Variants in OPCML observed in about 807,000 individuals in gnomAD.
OPCML encodes the protein opioid binding protein/cell adhesion molecule like.
OPCML carries 13 observed loss-of-function variants against 37.8 expected under a neutral mutation model. That is an observed-to-expected ratio of 0.34 (90% confidence interval 0.22 to 0.55). OPCML has a LOEUF of 0.55. Ranked by LOEUF, OPCML falls within the 20% of genes least tolerant of loss-of-function variation. The probability of loss-of-function intolerance (pLI) is 0.91; values close to 1 mark genes in which losing one functional copy is unlikely to be tolerated. For missense variants in OPCML, 341 were observed against 435.6 expected, an observed-to-expected ratio of 0.78 and a Z score of 1.93; for synonymous variants, 176 against 168.8, an observed-to-expected ratio of 1.04 and a Z score of -0.33.
chr11:132,949,209 T>C (rs1198281862), intron 1 of OPCML, among the ~76,000 whole-genome samples: 1 of 151,794 alleles, frequency 6.6e-6, no homozygotes, highest in East Asian at 1.9e-4. Flanking sequence ...GCGACCCACC[T>C]GGGAAAAACA....
chr11:132,821,735 T>C (rs1245661355), intron 2 of OPCML, among the ~76,000 whole-genome samples: 4 of 152,186 alleles, frequency 2.6e-5, no homozygotes, highest in Non-Finnish European at 4.4e-5. Flanking sequence ...TCAAGGTATC[T>C]TCCCCCCTCT....
intron 1 of OPCML, among the ~76,000 whole-genome samples, chr11:133,447,621 A>G (rs899012511): frequency 1.3e-5 from 2 of 152,224 alleles, no homozygotes; most frequent in Admixed American, 1.3e-4. Flanking sequence ...AACATGCAGT[A>G]TTTAACTTTC....
chr11:132,910,507 C>G (rs1944394150), intron 2 of OPCML, among the ~76,000 whole-genome samples: 1 of 152,214 alleles, frequency 6.6e-6, no homozygotes. Flanking sequence ...AAATGGCGCA[C>G]AACCCTGAAC....
chr11:133,369,235 GT>G (rs1442138463), intron 1 of OPCML, among the ~76,000 whole-genome samples: 18 of 152,304 alleles, frequency 1.2e-4, no homozygotes, highest in African/African-American at 4.3e-4. Flanking sequence ...GAATTATCAT[GT>G]TATGCATAGA....
At chr11:133,243,042 G>A (rs889405189) in intron 1 of OPCML, among the ~76,000 whole-genome samples, 4 of 152,264 alleles carry the variant, frequency 2.6e-5, no homozygotes, top group East Asian at 1.9e-4. Context: ...TGTCTTTGCC[G>A]GGGAAATGGG....
chr11:133,189,789 A>G (rs1592087216), intron 1 of OPCML, among the ~76,000 whole-genome samples: 2 of 152,338 alleles, frequency 1.3e-5, no homozygotes, highest in East Asian at 3.9e-4. Flanking sequence ...GTAGACTCCC[A>G]AAGGAACCAG....
chr11:133,084,504 A>G (rs1242003920), intron 1 of OPCML, among the ~76,000 whole-genome samples: 1 of 152,212 alleles, frequency 6.6e-6, no homozygotes, highest in Non-Finnish European at 1.5e-5. Flanking sequence ...GCATCTCTTG[A>G]GGGTGTCTAA....
chr11:132,783,969 C>T (rs1947116833), intron 2 of OPCML, among the ~76,000 whole-genome samples: 1 of 152,036 alleles, frequency 6.6e-6, no homozygotes, highest in Non-Finnish European at 1.5e-5. Flanking sequence ...GGTTTTAGCC[C>T]TCCTGATTTA....
chr11:132,895,020 A>C (rs994884086), intron 2 of OPCML, among the ~76,000 whole-genome samples: 2 of 152,186 alleles, frequency 1.3e-5, no homozygotes, highest in African/African-American at 2.4e-5. Context: ...AAGAACACTG[A>C]CTAGTGCAGA....
chr11:132,984,930 AACC>A (rs1946658701), intron 1 of OPCML, among the ~76,000 whole-genome samples: 1 of 152,134 alleles, frequency 6.6e-6, no homozygotes, highest in Admixed American at 6.5e-5. Context: ...GGCTCAGCCA[AACC>A]ACCAAGTATT....
At chr11:133,230,757 A>G (rs1951857123) in intron 1 of OPCML, among the ~76,000 whole-genome samples, 1 of 152,182 alleles carries the variant, frequency 6.6e-6, no homozygotes. Context: ...TTCACTGAGG[A>G]CAGGCCCATT....
At chr11:132,655,282 G>A (rs918296986) in intron 3 of OPCML, among the ~76,000 whole-genome samples, 2 of 152,172 alleles carry the variant, frequency 1.3e-5, no homozygotes, top group Non-Finnish European at 2.9e-5. Flanking sequence ...TGGCACTTCC[G>A]ATGCCGAGAA....
At chr11:133,140,853 CGAAGAA>C (rs1213600616) in intron 1 of OPCML, among the ~76,000 whole-genome samples, 2 of 28,022 alleles carry the variant, frequency 7.1e-5, no homozygotes, top group African/African-American at 2.1e-4. Context: ...ACGACGACGA[CGAAGAA>C]GACGACGACG....
At chr11:132,472,982 T>C (rs2136968276) in intron 4 of OPCML, among the ~76,000 whole-genome samples, 1 of 152,356 alleles carries the variant, frequency 6.6e-6, no homozygotes, top group South Asian at 2.1e-4. Flanking sequence ...GGCTCTTAGA[T>C]CATTTCTCTC....
chr11:132,674,107 G>A (rs1000756797), intron 2 of OPCML, among the ~76,000 whole-genome samples: 3 of 152,180 alleles, frequency 2.0e-5, no homozygotes, highest in African/African-American at 4.8e-5. Context: ...AATAAACCAG[G>A]CCAGGAGGTT....
At chr11:133,002,580 T>C (rs913051928) in intron 1 of OPCML, among the ~76,000 whole-genome samples, 2 of 152,160 alleles carry the variant, frequency 1.3e-5, no homozygotes, top group Non-Finnish European at 2.9e-5. Flanking sequence ...GATTAATAAA[T>C]ACAATGATGG....
intron 1 of OPCML, among the ~76,000 whole-genome samples, chr11:132,958,814 GA>G (rs994560745): frequency 2.1e-5 from 2 of 95,922 alleles, no homozygotes; most frequent in South Asian, 3.0e-4. Context: ...TACTTCTCAG[GA>G]AAAAAAGATA....
chr11:132,752,517 G>T (rs1945869390), intron 2 of OPCML, among the ~76,000 whole-genome samples: 1 of 152,124 alleles, frequency 6.6e-6, no homozygotes, highest in Admixed American at 6.5e-5. Context: ...CACTGCCATA[G>T]AACTGAATCA....
chr11:133,340,271 G>A (rs540402670), intron 1 of OPCML, among the ~76,000 whole-genome samples: 1 of 152,238 alleles, frequency 6.6e-6, no homozygotes, highest in East Asian at 1.9e-4. Flanking sequence ...TGACTCTCCG[G>A]GTAATCCGGC....
Sources: allele counts gnomAD v4.1 joint callset (sites outside exome capture counted in the v4.1 genomes callset), GRCh38; gene constraint gnomAD v4.1.1; transcripts MANE v1.5; gene names NCBI Gene and HGNC (gene_info 2026-07-23, HGNC 2026-07-21).